The following CSMD1 variants were observed in gnomAD, a reference collection of about 807,000 sequenced individuals.
CSMD1 encodes CUB and Sushi multiple domains 1.
In CSMD1, 213 loss-of-function variants were observed where a neutral mutation model predicts 417.5. That is an observed-to-expected ratio of 0.51 (90% confidence interval 0.46 to 0.57). CSMD1 has a LOEUF of 0.57. Among genes scored for constraint, CSMD1 ranks in the 20% least tolerant of loss-of-function variants. The probability of loss-of-function intolerance (pLI) is 0.00; values close to 1 mark genes in which losing one functional copy is unlikely to be tolerated. For missense variants in CSMD1, 6,923 were observed against 4,529.7 expected, an observed-to-expected ratio of 1.53 and a Z score of -15.17; for synonymous variants, 2,862 against 1,736.8, an observed-to-expected ratio of 1.65 and a Z score of -16.11.
intron 4 of CSMD1, among the ~76,000 whole-genome samples, chr8:4,029,602 A>G (rs918262012): frequency 6.6e-6 from 1 of 152,108 alleles, no homozygotes; most frequent in South Asian, 2.1e-4. Context: ...TGGGAGCTGC[A>G]ATTCAAGATG....
intron 1 of CSMD1, among the ~76,000 whole-genome samples, chr8:4,841,402 C>T (rs1014390476): frequency 2.6e-5 from 4 of 152,074 alleles, no homozygotes; most frequent in Non-Finnish European, 5.9e-5. Context: ...CCTTTTCTGC[C>T]CTTTTTATTC....
intron 1 of CSMD1, among the ~76,000 whole-genome samples, chr8:4,942,730 C>G (rs953596138): frequency 1.3e-5 from 2 of 152,130 alleles, no homozygotes; most frequent in African/African-American, 4.8e-5. Flanking sequence ...GAATCCAATA[C>G]CGACCTTCAT....
intron 7 of CSMD1, among the ~76,000 whole-genome samples, chr8:3,662,651 A>G (rs1798478713): frequency 6.6e-6 from 1 of 152,172 alleles, no homozygotes; most frequent in Admixed American, 6.5e-5. Flanking sequence ...ACCATTTTTT[A>G]TGCAGCCATG....
At chr8:4,048,312 G>C (rs900705868) in intron 3 of CSMD1, among the ~76,000 whole-genome samples, 6 of 152,182 alleles carry the variant, frequency 3.9e-5, no homozygotes, top group Non-Finnish European at 8.8e-5. Context: ...GTTACACAAA[G>C]AGGGGAGTCT....
In CSMD1 at chr8:3,396,198, A is replaced by G. The variant is rs371408736; in HGVS notation, c.2589T>C (p.Tyr863=). 70 of 1,558,420 alleles carry G rather than the reference A, an allele frequency of 4.5e-5. No homozygotes were observed. Among genetic ancestry groups the G allele is most frequent in the Non-Finnish European group, 5.2e-5 (60 of 1,151,202 alleles). ...SRSSIGFLIH[Y]ESVTLESDSC... is the part of the protein sequence containing the mutation. ...TCAAGGGAAGGTGCAACTCACTCTCATAGTGGATGAGGAAGCCGATGCTGG... is the reference window on the plus strand; with the variant it reads ...TCAAGGGAAGGTGCAACTCACTCTCGTAGTGGATGAGGAAGCCGATGCTGG... The change falls in exon 17 of 70, where the codon TAT becomes TAC. Residue 863 remains tyrosine, a synonymous_variant. Transcript: ENST00000635120.
intron 1 of CSMD1, among the ~76,000 whole-genome samples, chr8:4,833,914 C>T (rs1202459951): frequency 1.3e-5 from 2 of 152,118 alleles, no homozygotes; most frequent in Admixed American, 1.3e-4. Context: ...TTGGTGTTCA[C>T]CACCCACCTC....
chr8:3,979,671 G>A (rs1276511217), intron 5 of CSMD1, among the ~76,000 whole-genome samples: 2 of 152,158 alleles, frequency 1.3e-5, no homozygotes, highest in Admixed American at 1.3e-4. Context: ...CTGAAAGCAG[G>A]TGCCATCTAT....
intron 23 of CSMD1, among the ~76,000 whole-genome samples, chr8:3,313,392 C>T (rs573367347): frequency 2.0e-5 from 3 of 151,990 alleles, no homozygotes; most frequent in Non-Finnish European, 4.4e-5. Context: ...CTAATATGCA[C>T]AATCTACAAT....
At chr8:3,154,378 G>T (rs1156657732) in intron 39 of CSMD1, among the ~76,000 whole-genome samples, 1 of 152,178 alleles carries the variant, frequency 6.6e-6, no homozygotes, top group East Asian at 1.9e-4. Flanking sequence ...CTCCTGCCTG[G>T]GAAGCTCCCT....
chr8:4,547,476 C>A (rs767094823), intron 2 of CSMD1, among the ~76,000 whole-genome samples: 1 of 152,230 alleles, frequency 6.6e-6, no homozygotes, highest in Non-Finnish European at 1.5e-5. Flanking sequence ...TTATATGCAG[C>A]AGCCCACATT....
intron 1 of CSMD1, among the ~76,000 whole-genome samples, chr8:4,730,842 A>T (rs1210852990): frequency 2.0e-5 from 3 of 152,150 alleles, no homozygotes; most frequent in Non-Finnish European, 4.4e-5. Context: ...GCTTTATCTA[A>T]AGAAATAAGA....
At chr8:3,180,203 C>G (rs1181639807) in intron 37 of CSMD1, among the ~76,000 whole-genome samples, 1 of 152,198 alleles carries the variant, frequency 6.6e-6, no homozygotes, top group African/African-American at 2.4e-5. Context: ...CCTGCATAAT[C>G]AAACGCCAAA....
intron 1 of CSMD1, among the ~76,000 whole-genome samples, chr8:4,754,166 G>C (rs894788399): frequency 6.6e-6 from 1 of 152,120 alleles, no homozygotes; most frequent in South Asian, 2.1e-4. Flanking sequence ...ATTGAGCAAA[G>C]CATGGGCTGA....
intron 8 of CSMD1, 139 bp downstream of exon 8, chr8:3,616,571 A>T: frequency 1.6e-6 from 1 of 611,982 alleles, no homozygotes; most frequent in Non-Finnish European, 2.9e-6. Flanking sequence ...ACAAATTGTG[A>T]TTACACACAT....
chr8:4,482,394 C>G (rs916409791), intron 2 of CSMD1, among the ~76,000 whole-genome samples: 4 of 152,184 alleles, frequency 2.6e-5, no homozygotes, highest in Non-Finnish European at 5.9e-5. Flanking sequence ...TGGCCTCCAG[C>G]TCCATCCATG....
At chr8:4,214,101 A>T (rs980525190) in intron 3 of CSMD1, among the ~76,000 whole-genome samples, 15 of 152,036 alleles carry the variant, frequency 9.9e-5, no homozygotes, top group South Asian at 4.1e-4. Flanking sequence ...TACTCCCTCA[A>T]TTTCATTCCA....
intron 2 of CSMD1, among the ~76,000 whole-genome samples, chr8:4,510,417 A>AAAAAAAAAAAAAAAAAAAAAAG (rs1802757327): frequency 9.1e-6 from 1 of 110,088 alleles, no homozygotes; most frequent in African/African-American, 3.2e-5. Flanking sequence ...AAAAAAAAAA[A>AAAAAAAAAAAAAAAAAAAAAAG]AAAAAGCAAA....
At chr8:3,692,429 T>A (rs961171530) in intron 7 of CSMD1, among the ~76,000 whole-genome samples, 1 of 149,472 alleles carries the variant, frequency 6.7e-6, no homozygotes, top group Admixed American at 6.7e-5. Context: ...CACCAGACAT[T>A]TATACTTTAA....
intron 7 of CSMD1, among the ~76,000 whole-genome samples, chr8:3,641,024 C>CTTTTTTTTTTTTT (rs34851559): frequency 2.9e-5 from 3 of 102,752 alleles, no homozygotes; most frequent in African/African-American, 7.8e-5. Context: ...TCCTTTTTTC[C>CTTTTTTTTTTTTT]TTTTTTTTTT....
Sources: allele counts gnomAD v4.1 joint callset (sites outside exome capture counted in the v4.1 genomes callset), GRCh38; gene constraint gnomAD v4.1.1; transcripts MANE v1.5; gene names NCBI Gene and HGNC (gene_info 2026-07-23, HGNC 2026-07-21).